Variants in LRRC7 observed in about 807,000 individuals in gnomAD.
LRRC7 encodes the protein leucine-rich repeat-containing protein 7.
In LRRC7, 23 loss-of-function variants were observed where a neutral mutation model predicts 175.7. The observed-to-expected ratio is 0.13, with a 90% CI of 0.09 to 0.19. The LOEUF (loss-of-function observed/expected upper bound fraction) is 0.19. Ranked by LOEUF, LRRC7 falls within the 10% of genes least tolerant of loss-of-function variation. LRRC7 has a pLI of 1.00. For missense variants in LRRC7, 1,354 were observed against 1,904.7 expected (o/e 0.71, Z 5.38); for synonymous variants, 685 against 680.9 (o/e 1.01, Z -0.09).
intron 7 of LRRC7, among the ~76,000 whole-genome samples, chr1:69,867,578 A>G (rs1481347550): frequency 6.6e-6 from 1 of 152,158 alleles, no homozygotes; most frequent in Non-Finnish European, 1.5e-5. Flanking sequence ...AGACAAAAGG[A>G]TGGGTTTAGA....
Position 70,039,096 on chromosome 1 carries a change from A to G in LRRC7, c.3272A>G (p.Gln1091Arg). The change falls in exon 21 of 27, where the codon CAA becomes CGA. Residue 1091 changes from glutamine (Q) to arginine (R), a missense_variant. Gln to Arg is a conservative substitution (Grantham distance 43). Transcript: ENST00000651989. ...KAEKRIPPPF[Q>R]HNPEYVQQAS... ...GAAAAGAGGATACCACCCCCTTTTCAACACAATCCCGAGTACGTGCAACAG... is the reference window on the plus strand; with the variant it reads ...GAAAAGAGGATACCACCCCCTTTTCGACACAATCCCGAGTACGTGCAACAG... 5.0e-6 allele frequency: 8 copies of G among 1,614,140 alleles called. No individual in the cohort carries two copies. The highest frequency in any genetic ancestry group is 6.8e-6 in the Non-Finnish European group (8 of 1,180,004).
intron 1 of LRRC7, chr1:69,607,764 A>G (rs528064400): frequency 6.6e-6 from 1 of 152,274 alleles, no homozygotes; most frequent in African/African-American, 2.4e-5. Context: ...CAGTTCTATC[A>G]AAGACATTGT....
At chr1:69,680,064 T>C (rs1427687268) in intron 2 of LRRC7, among the ~76,000 whole-genome samples, 1 of 152,142 alleles carries the variant, frequency 6.6e-6, no homozygotes, top group Admixed American at 6.6e-5. Flanking sequence ...AAAATCTTTT[T>C]GAACCCTGGT....
At chr1:69,988,573 G>A (rs1464624016) in intron 10 of LRRC7, among the ~76,000 whole-genome samples, 1 of 152,194 alleles carries the variant, frequency 6.6e-6, no homozygotes, top group Non-Finnish European at 1.5e-5. Context: ...ATAAGAAATA[G>A]AAGGACTTTA....
intron 4 of LRRC7, among the ~76,000 whole-genome samples, chr1:69,804,589 A>G (rs1203224278): frequency 6.6e-6 from 1 of 151,644 alleles, no homozygotes; most frequent in Non-Finnish European, 1.5e-5. Context: ...CTAGCCAGCT[A>G]TCTAGAGGAA....
chr1:69,690,967 C>T (rs1400381047), intron 2 of LRRC7, among the ~76,000 whole-genome samples: 1 of 152,146 alleles, frequency 6.6e-6, no homozygotes, highest in Non-Finnish European at 1.5e-5. Flanking sequence ...TCCTACAGAG[C>T]AGCTGATATC....
intron 25 of LRRC7, among the ~76,000 whole-genome samples, chr1:70,101,231 C>A (rs1467950415): frequency 6.6e-6 from 1 of 152,094 alleles, no homozygotes; most frequent in Non-Finnish European, 1.5e-5. Context: ...CTTTGAACTT[C>A]CATAGTTATA....
intron 7 of LRRC7, among the ~76,000 whole-genome samples, chr1:69,915,470 T>C (rs1039654915): frequency 1.3e-5 from 2 of 152,178 alleles, no homozygotes; most frequent in African/African-American, 4.8e-5. Context: ...TGGCAAAGTG[T>C]GCTTCTAGTC....
chr1:69,995,184 T>C lies in LRRC7; in HGVS notation c.1004+551T>C, dbSNP rs189567840. Among the ~76,000 whole-genome samples the C allele has an allele frequency of 2.8e-4, 42 of 152,254 alleles. 1 individual carries two copies. In the East Asian group the frequency reaches 8.1e-3, roughly 29 times the overall value. On this transcript the variant is annotated intron_variant, in intron 11 of 26. Coordinates refer to ENST00000651989, the MANE Select transcript of LRRC7 (RefSeq NM_001370785.2). ...TTAAAGATAAAATATACTCCATTTA[T>C]TTGATAACAATTTATTTCTAATATT...
At chr1:69,921,096 C>T (rs567562527) in intron 7 of LRRC7, among the ~76,000 whole-genome samples, 9 of 152,104 alleles carry the variant, frequency 5.9e-5, no homozygotes, top group Non-Finnish European at 1.3e-4. Context: ...CCACACAGGA[C>T]ATTCTGGGTA....
chr1:69,994,116 G>A (rs1339298548), intron 10 of LRRC7, among the ~76,000 whole-genome samples: 1 of 152,068 alleles, frequency 6.6e-6, no homozygotes, highest in Non-Finnish European at 1.5e-5. Flanking sequence ...CAATACTTCA[G>A]TATTCATTTT....
chr1:69,998,494 G>T (rs1264833915), intron 11 of LRRC7, among the ~76,000 whole-genome samples: 4 of 152,056 alleles, frequency 2.6e-5, no homozygotes, highest in African/African-American at 9.7e-5. Context: ...CCAGTATAGA[G>T]CAAAGAGAAC....
intron 3 of LRRC7, among the ~76,000 whole-genome samples, chr1:69,772,292 A>AAAGAACCT (rs2100988982): frequency 6.6e-6 from 1 of 152,256 alleles, no homozygotes; most frequent in African/African-American, 2.4e-5. Flanking sequence ...AAGATCAGAG[A>AAAGAACCT]AAGAACCTTC....
At chr1:69,822,734 G>T (rs1318418687) in intron 4 of LRRC7, among the ~76,000 whole-genome samples, 1 of 152,148 alleles carries the variant, frequency 6.6e-6, no homozygotes, top group Non-Finnish European at 1.5e-5. Flanking sequence ...GGGGTGAAAT[G>T]GGTAAAATGA....
At chr1:69,733,099 A>T (rs948891000) in intron 2 of LRRC7, among the ~76,000 whole-genome samples, 8 of 152,084 alleles carry the variant, frequency 5.3e-5, no homozygotes, top group African/African-American at 1.4e-4. Context: ...TTAGAGAATC[A>T]CAAAAATGAG....
intron 8 of LRRC7, among the ~76,000 whole-genome samples, chr1:69,979,299 G>A (rs982646078): frequency 2.6e-5 from 4 of 152,168 alleles, no homozygotes; most frequent in Admixed American, 6.5e-5. Flanking sequence ...CCTAAGAATA[G>A]GGAAGGGGAT....
At chr1:69,907,429 T>C (rs1395517939) in intron 7 of LRRC7, among the ~76,000 whole-genome samples, 7 of 151,958 alleles carry the variant, frequency 4.6e-5, no homozygotes, top group African/African-American at 9.7e-5. Flanking sequence ...TTTTGAGATA[T>C]GTCCCATCCA....
At chr1:69,833,251 C>A (rs2101314121) in intron 5 of LRRC7, among the ~76,000 whole-genome samples, 1 of 152,030 alleles carries the variant, frequency 6.6e-6, no homozygotes, top group East Asian at 1.9e-4. Context: ...TTTTTTTAAG[C>A]CTTGGGGAAA....
chr1:69,578,274 T>G (rs1212539662), intron 1 of LRRC7, among the ~76,000 whole-genome samples: 1 of 150,270 alleles, frequency 6.7e-6, no homozygotes, highest in East Asian at 2.0e-4. Flanking sequence ...ATGGCAATCA[T>G]TAAAAAGTCA....
Sources: gnomAD v4.1 joint callset for allele counts (sites outside exome capture counted in the v4.1 genomes callset) on GRCh38, gnomAD v4.1.1 for gene constraint, MANE v1.5 for transcripts, NCBI Gene and HGNC (gene_info 2026-07-23, HGNC 2026-07-21) for gene names.